The following SYT9 variants were observed in gnomAD, a reference collection of about 807,000 sequenced individuals.
The protein encoded by SYT9 is synaptotagmin 9.
SYT9 carries 22 observed loss-of-function variants against 48.4 expected under a neutral mutation model. The ratio of observed to expected loss-of-function variants is 0.45; its 90% CI spans 0.32 to 0.65. SYT9 has a LOEUF of 0.65. SYT9 is among the 30% of genes least tolerant of loss of function. The pLI is 0.03. For synonymous variants in SYT9, 265 were observed against 245.0 expected (o/e 1.08, Z -0.76); for missense variants, 577 against 622.0 (o/e 0.93, Z 0.77).
chr11:7,317,356 A>G (rs1198369871), intron 3 of SYT9, among the ~76,000 whole-genome samples: 10 of 152,176 alleles, frequency 6.6e-5, no homozygotes, highest in Admixed American at 6.6e-4. Flanking sequence ...AACTTAAACA[A>G]TAGATATTTA....
Position 7,313,697 on chromosome 11 carries a change from A to G in SYT9, c.800A>G (p.Asp267Gly). The change falls in exon 3 of 7, where the codon GAT (aspartate) becomes GGT (glycine). Residue 267 changes from aspartate (D) to glycine (G), a missense_variant. Asp to Gly is a moderately conservative substitution (Grantham distance 94). Transcript: ENST00000318881. ...TATGTCAAGATCTATTTGCTTCCTG[A>G]TCGGAAAACAAAACACCAGACTAAA... The part of the protein sequence containing the change: ...DPYVKIYLLP[D>G]RKTKHQTKVH... 6.2e-7 allele frequency: 1 copy of G among 1,614,196 alleles called. No homozygotes were observed. The highest frequency in any genetic ancestry group is 1.1e-5 in the South Asian group (1 of 91,086).
At chr11:7,302,823 C>T (rs1430950587) in intron 1 of SYT9, among the ~76,000 whole-genome samples, 1 of 152,176 alleles carries the variant, frequency 6.6e-6, no homozygotes, top group African/African-American at 2.4e-5. Context: ...GCTATGGTAC[C>T]TCCTCTGTGT....
intron 3 of SYT9, among the ~76,000 whole-genome samples, chr11:7,372,088 T>G (rs1486110137): frequency 6.6e-6 from 1 of 152,188 alleles, no homozygotes; most frequent in Non-Finnish European, 1.5e-5. Flanking sequence ...AAATATCTTT[T>G]CAAAGTGGTT....
At chr11:7,326,557 T>A (rs1384190644) in intron 3 of SYT9, among the ~76,000 whole-genome samples, 1 of 151,824 alleles carries the variant, frequency 6.6e-6, no homozygotes, top group Non-Finnish European at 1.5e-5. Context: ...ATCCTTTGAA[T>A]TGGAAAAAAC....
rs2133937225 is a variant in SYT9 at position 7,303,117 on chromosome 11, G to A, written c.224G>A (p.Trp75Ter). Residue 75 changes from tryptophan to a stop codon, truncating the protein, a stop_gained, in exon 2 of 7, where the codon TGG (tryptophan) becomes TAG (stop). Transcript: ENST00000318881. LOFTEE classifies it high-confidence loss of function. ...TTTGGCGTGTCTCTCTTCGTATCTT[G>A]GAAACTCTGCTGGGTTCCGTGGCGA... ...ALFGVSLFVS[W>*]KLCWVPWRER... The A allele has an allele frequency of 6.2e-7, 1 of 1,614,134 alleles. No homozygotes were observed. Among genetic ancestry groups the A allele is most frequent in the Non-Finnish European group, 8.5e-7 (1 of 1,180,036 alleles).
intron 3 of SYT9, among the ~76,000 whole-genome samples, chr11:7,326,655 A>G (rs1457656132): frequency 7.2e-6 from 1 of 139,004 alleles, no homozygotes; most frequent in Non-Finnish European, 1.6e-5. Context: ...GCATCACACT[A>G]CCTGACTTCA....
chr11:7,356,280 T>C (rs1463705688), intron 3 of SYT9, among the ~76,000 whole-genome samples: 1 of 152,194 alleles, frequency 6.6e-6, no homozygotes, highest in Non-Finnish European at 1.5e-5. Flanking sequence ...TTTTACTAGT[T>C]CTCAAAATTT....
chr11:7,378,900 T>G (rs1850504453), intron 3 of SYT9, among the ~76,000 whole-genome samples: 2 of 152,144 alleles, frequency 1.3e-5, no homozygotes, highest in African/African-American at 4.8e-5. Flanking sequence ...TATTTCCAGC[T>G]CATCTTAATG....
intron 6 of SYT9, among the ~76,000 whole-genome samples, chr11:7,455,285 T>G (rs2134153006): frequency 6.6e-6 from 1 of 152,032 alleles, no homozygotes; most frequent in East Asian, 1.9e-4. Context: ...GAAGTTCTAT[T>G]CAACCTATTA....
At chr11:7,293,152 T>C (rs1057299320) in intron 1 of SYT9, among the ~76,000 whole-genome samples, 1 of 152,178 alleles carries the variant, frequency 6.6e-6, no homozygotes, top group Non-Finnish European at 1.5e-5. Context: ...GTTCTCTCAA[T>C]GCTAATTTTA....
chr11:7,395,534 C>T (rs1281198266), intron 3 of SYT9, among the ~76,000 whole-genome samples: 1 of 152,046 alleles, frequency 6.6e-6, no homozygotes, highest in East Asian at 1.9e-4. Context: ...ATGTGGGATA[C>T]ATTTAGATTC....
intron 6 of SYT9, among the ~76,000 whole-genome samples, chr11:7,430,171 T>G (rs1847542527): frequency 6.6e-6 from 1 of 152,260 alleles, no homozygotes; most frequent in South Asian, 2.1e-4. Flanking sequence ...TATGTAAAAC[T>G]CAAATGTATA....
chr11:7,262,645 A>G (rs1415477549), intron 1 of SYT9, among the ~76,000 whole-genome samples: 1 of 152,076 alleles, frequency 6.6e-6, no homozygotes, highest in East Asian at 1.9e-4. Flanking sequence ...ATAAGAAGGA[A>G]TAAGCAGCTG....
rs555785428 is a variant in SYT9, at chr11:7,387,085, T to G, written c.1045-28957T>G. Among the ~76,000 whole-genome samples, 108 of 152,108 alleles carry G rather than the reference T, an allele frequency of 7.1e-4. 1 individual carries two copies. Among genetic ancestry groups the G allele is most frequent in the African/African-American group, 2.5e-3 (104 of 41,492 alleles). ...ACACTGCGTGTTCTCACTCATAGGT[T>G]GGAATTGAACAATGAGAACACATGG... On this transcript the variant is annotated intron_variant, in intron 3 of 6. Coordinates refer to ENST00000318881, the MANE Select transcript of SYT9 (RefSeq NM_175733.4).
intron 3 of SYT9, among the ~76,000 whole-genome samples, chr11:7,396,415 A>T (rs1210971835): frequency 6.6e-6 from 1 of 152,080 alleles, no homozygotes; most frequent in Non-Finnish European, 1.5e-5. Context: ...TTTGAGATTT[A>T]TACATGTTGT....
At chr11:7,461,934 C>T (rs1230108326) in intron 6 of SYT9, among the ~76,000 whole-genome samples, 1 of 152,204 alleles carries the variant, frequency 6.6e-6, no homozygotes, top group Non-Finnish European at 1.5e-5. Context: ...ATGAGCCCCT[C>T]TCAGTAAATA....
intron 6 of SYT9, among the ~76,000 whole-genome samples, chr11:7,424,075 CT>C (rs1361081086): frequency 6.6e-6 from 1 of 152,142 alleles, no homozygotes; most frequent in African/African-American, 2.4e-5. Context: ...CTCTTCACTG[CT>C]GAGGAATTGG....
intron 1 of SYT9, among the ~76,000 whole-genome samples, chr11:7,265,921 A>G (rs940394636): frequency 6.6e-6 from 1 of 152,158 alleles, no homozygotes; most frequent in African/African-American, 2.4e-5. Flanking sequence ...AGGTTAGAGA[A>G]TAACATGGTT....
chr11:7,327,880 C>T (rs1174269706), intron 3 of SYT9, among the ~76,000 whole-genome samples: 8 of 87,322 alleles, frequency 9.2e-5, no homozygotes, highest in Non-Finnish European at 1.4e-4. Context: ...AATGAGATCA[C>T]ATGGACACAG....
Sources: gnomAD v4.1 joint callset for allele counts (sites outside exome capture counted in the v4.1 genomes callset) on GRCh38, gnomAD v4.1.1 for gene constraint, MANE v1.5 for transcripts, NCBI Gene and HGNC (gene_info 2026-07-23, HGNC 2026-07-21) for gene names.